MEF2C: variants seen among roughly 807,000 people sequenced by gnomAD.
MEF2C encodes the protein myocyte-specific enhancer factor 2C.
Under a neutral mutation model 50.5 loss-of-function variants are expected in MEF2C, and 6 were observed. The ratio of observed to expected loss-of-function variants is 0.12; its 90% confidence interval spans 0.07 to 0.23. MEF2C has a LOEUF of 0.23. Among genes scored for constraint, MEF2C ranks in the 10% least tolerant of loss-of-function variants. The pLI, the probability that MEF2C is intolerant of heterozygous loss-of-function variation, is 1.00. For missense variants in MEF2C, 276 were observed against 605.0 expected, an observed-to-expected ratio of 0.46 and a Z score of 5.70; for synonymous variants, 183 against 228.0, an observed-to-expected ratio of 0.80 and a Z score of 1.78.
rs1258218002 is a variant in MEF2C, at chr5:88,737,500, G to C, written c.638-5599C>G. On this transcript the variant is annotated intron_variant, in intron 6 of 10. Coordinates refer to ENST00000504921, the MANE Select transcript of MEF2C (RefSeq NM_002397.5). ...CTCTGATATTTTCTTCCACACTGAC[G>C]AGTATTTGTTGCCACAGGTTGTCGT... The C allele has an allele frequency of 6.1e-6, 6 of 985,256 alleles. No homozygotes were observed. In the African/African-American group the frequency reaches 1.0e-4, roughly 17 times the overall value. The allele number at this position is 985,256 out of a possible 1,614,324, so 61.0% of individuals were successfully genotyped here.
chr5:88,734,561 GTTTGTTTTTTTTTTTTTTTT>G (rs1763104485), intron 6 of MEF2C: 6 of 253,864 alleles, frequency 2.4e-5, no homozygotes, highest in Non-Finnish European at 2.8e-5. Flanking sequence ...CTTGAGAAAA[GTTTGTTTTTTTTTTTTTTTT>G]TTTTTTTTTT....
chr5:88,737,341 TAG>T, intron 6 of MEF2C: 1 of 985,416 alleles, frequency 1.0e-6, no homozygotes, highest in Non-Finnish European at 1.2e-6. Flanking sequence ...AATTTGTTTA[TAG>T]AGAGTTAATT....
At chr5:88,805,928 T>A (rs1800246284) in intron 2 of MEF2C, among the ~76,000 whole-genome samples, 1 of 143,790 alleles carries the variant, frequency 7.0e-6, no homozygotes, top group African/African-American at 2.5e-5. Flanking sequence ...TCCCAACAGG[T>A]ATTCATTCTG....
At chr5:88,838,822 A>G (rs1816178600) in intron 1 of MEF2C, 2 of 786,494 alleles carry the variant, frequency 2.5e-6, no homozygotes, top group Non-Finnish European at 3.1e-6. Context: ...GGAAGTTTCC[A>G]CTTCAAAATT....
chr5:88,728,390 G>C (rs752012456), intron 10 of MEF2C, 103 bp downstream of exon 10: 1 of 959,386 alleles, frequency 1.0e-6, no homozygotes, highest in Non-Finnish European at 1.4e-6. Flanking sequence ...ATAAAGTAGA[G>C]TTTTATACCC....
At chr5:88,815,207 T>A (rs1276357966) in intron 2 of MEF2C, among the ~76,000 whole-genome samples, 2 of 152,112 alleles carry the variant, frequency 1.3e-5, no homozygotes, top group Admixed American at 6.6e-5. Flanking sequence ...AAGGGAAAGG[T>A]CAAAGGATAC....
intron 1 of MEF2C, among the ~76,000 whole-genome samples, chr5:88,836,819 G>T (rs141825138): frequency 6.6e-6 from 1 of 152,182 alleles, no homozygotes; most frequent in East Asian, 1.9e-4. Context: ...TAGATCAGAA[G>T]TTACTAAAAT....
chr5:88,755,455 G>T (rs954679532), intron 4 of MEF2C, among the ~76,000 whole-genome samples: 26 of 152,160 alleles, frequency 1.7e-4, no homozygotes, highest in Admixed American at 1.5e-3. Context: ...ATAAAATACT[G>T]TAGTCAGAAA....
chr5:88,801,764 G>T (rs534829500), intron 3 of MEF2C, among the ~76,000 whole-genome samples: 1 of 152,254 alleles, frequency 6.6e-6, no homozygotes, highest in East Asian at 1.9e-4. Flanking sequence ...GGGATTACAG[G>T]TGTGAGTCAC....
At chr5:88,729,192 T>C in intron 9 of MEF2C, 26 bp downstream of exon 9, 1 of 1,612,144 alleles carries the variant, frequency 6.2e-7, no homozygotes. Flanking sequence ...TTTAGTGTAC[T>C]AATTGCACAT....
intron 1 of MEF2C, chr5:88,877,986 T>C (rs2150028989): frequency 6.6e-6 from 1 of 152,140 alleles, no homozygotes; most frequent in South Asian, 2.1e-4. Flanking sequence ...GTGGCTCTTG[T>C]GGGAAAGGTC....
At chr5:88,737,091 A>G in intron 6 of MEF2C, 1 of 984,806 alleles carries the variant, frequency 1.0e-6, no homozygotes, top group South Asian at 4.7e-5. Flanking sequence ...AGAAAAATTA[A>G]GAATTATTCA....
In MEF2C at chr5:88,731,927, T is replaced by A. The variant is rs1326199544; in HGVS notation, c.638-26A>T. On this transcript the variant is annotated intron_variant, in intron 6 of 10. Transcript: ENST00000504921. Reference sequence around the variant, plus strand: ...CTGTTAACAAAAAACAATAAAGCATTTAGGAAGAAATCTAGGTCAAATACG... The same window carrying A: ...CTGTTAACAAAAAACAATAAAGCATATAGGAAGAAATCTAGGTCAAATACG... 3.1e-6 allele frequency: 5 copies of A among 1,592,088 alleles called. No individual in the cohort carries two copies. The African/African-American group carries it at 6.8e-5, about 22-fold the overall frequency.
intron 1 of MEF2C, among the ~76,000 whole-genome samples, chr5:88,857,465 A>G (rs1456715196): frequency 2.6e-5 from 4 of 152,278 alleles, no homozygotes; most frequent in Non-Finnish European, 5.9e-5. Flanking sequence ...GGAAAGGCAT[A>G]ATTGCATTTT....
chr5:88,739,417 T>G, intron 6 of MEF2C: 8 of 961,028 alleles, frequency 8.3e-6, no homozygotes, highest in Non-Finnish European at 6.2e-6. Flanking sequence ...TACATAATAA[T>G]GCTCACTATC....
intron 1 of MEF2C, among the ~76,000 whole-genome samples, chr5:88,892,964 A>G (rs1440923402): frequency 6.6e-6 from 1 of 152,198 alleles, no homozygotes; most frequent in East Asian, 1.9e-4. Context: ...CGTTCTGTTC[A>G]AGAGGACCTA....
chr5:88,745,583 G>A (rs532109457), intron 6 of MEF2C, among the ~76,000 whole-genome samples: 2 of 152,378 alleles, frequency 1.3e-5, no homozygotes, highest in East Asian at 1.9e-4. Flanking sequence ...GCCAAGGAGA[G>A]AGGATTGCTT....
intron 3 of MEF2C, among the ~76,000 whole-genome samples, chr5:88,801,398 A>G (rs1798264582): frequency 6.6e-6 from 1 of 152,152 alleles, no homozygotes; most frequent in East Asian, 1.9e-4. Context: ...ACGAATTCAA[A>G]TCCCTGATGT....
intron 1 of MEF2C, among the ~76,000 whole-genome samples, chr5:88,837,698 C>T (rs949235353): frequency 3.3e-5 from 5 of 152,128 alleles, no homozygotes; most frequent in African/African-American, 1.2e-4. Flanking sequence ...CCTACAGAAA[C>T]AATAAATTGA....
Sources: allele counts gnomAD v4.1 joint callset (sites outside exome capture counted in the v4.1 genomes callset), GRCh38; gene constraint gnomAD v4.1.1; transcripts MANE v1.5; gene names NCBI Gene and HGNC (gene_info 2026-07-23, HGNC 2026-07-21).